HGD: variants seen among roughly 807,000 people sequenced by gnomAD.
HGD encodes homogentisate oxidase.
A neutral mutation model predicts 60.8 loss-of-function variants in HGD; 61 were observed. That is an observed-to-expected ratio of 1.00 (90% CI 0.82 to 1.24). The LOEUF is 1.24. Among genes scored for constraint, HGD ranks in the 50% most tolerant of loss-of-function variants. The pLI is 0.00. For missense variants in HGD, 542 were observed against 547.1 expected, an observed-to-expected ratio of 0.99 and a Z score of 0.09; for synonymous variants, 212 against 187.7, an observed-to-expected ratio of 1.13 and a Z score of -1.06.
chr3:120,641,091 C>G (rs1940955301), intron 11 of HGD, among the ~76,000 whole-genome samples: 1 of 152,152 alleles, frequency 6.6e-6, no homozygotes, highest in Admixed American at 6.5e-5. Context: ...TAAACTCAAG[C>G]ACTGAAAGTT....
At chr3:120,677,309 C>T (rs1221159727) in intron 1 of HGD, among the ~76,000 whole-genome samples, 1 of 152,172 alleles carries the variant, frequency 6.6e-6, no homozygotes, top group South Asian at 2.1e-4. Flanking sequence ...TCTCTTCTTT[C>T]AAAAGCAAAT....
At position 120,647,517 on chromosome 3, in the gene HGD, CA is replaced by C; in HGVS notation, c.469+359del. ...CTCATGAAAATTTGAATTTAAATTG[CA>C]GTTACTAATGATAAATGGGCTTTTA... On this transcript the variant is annotated intron_variant, in intron 7 of 13. Coordinates refer to ENST00000283871, the MANE Select transcript of HGD (RefSeq NM_000187.4). Among the ~76,000 whole-genome samples the C allele has an allele frequency of 1.3e-5, 2 of 152,264 alleles. 1 individual carries two copies. Among genetic ancestry groups the C allele is most frequent in the South Asian group, 4.1e-4 (2 of 4,824 alleles).
intron 4 of HGD, among the ~76,000 whole-genome samples, chr3:120,666,781 G>A (rs937088828): frequency 6.6e-6 from 1 of 151,962 alleles, no homozygotes; most frequent in African/African-American, 2.4e-5. Context: ...CAAAGTGCTG[G>A]GATTACAGGC....
chr3:120,679,757 G>A (rs552353860), intron 1 of HGD, among the ~76,000 whole-genome samples: 1 of 152,146 alleles, frequency 6.6e-6, no homozygotes, highest in Non-Finnish European at 1.5e-5. Flanking sequence ...GCCTCTAGAA[G>A]AGGAAACAGA....
At chr3:120,637,082 C>T (rs1940805663) in intron 12 of HGD, among the ~76,000 whole-genome samples, 1 of 152,142 alleles carries the variant, frequency 6.6e-6, no homozygotes, top group African/African-American at 2.4e-5. Context: ...TCATTAAGTA[C>T]AGCCGTGAAG....
chr3:120,655,167 G>T (rs144291723), intron 4 of HGD, among the ~76,000 whole-genome samples: 2,917 of 152,244 alleles, frequency 0.019, 37 homozygotes, highest in Non-Finnish European at 0.026. Context: ...CAGAGAAGGG[G>T]TTTGTCTTCT....
chr3:120,640,395 A>G (rs1940932601), intron 11 of HGD, among the ~76,000 whole-genome samples: 1 of 152,118 alleles, frequency 6.6e-6, no homozygotes, highest in African/African-American at 2.4e-5. Context: ...GAGGGGCAAG[A>G]GGTGATACTG....
At chr3:120,632,219 C>A (rs963883986) in intron 13 of HGD, among the ~76,000 whole-genome samples, 1 of 152,160 alleles carries the variant, frequency 6.6e-6, no homozygotes, top group East Asian at 1.9e-4. Context: ...AGTGGACAGA[C>A]GGACAGATAA....
At chr3:120,636,292 A>G (rs1327348689) in intron 12 of HGD, among the ~76,000 whole-genome samples, 1 of 151,980 alleles carries the variant, frequency 6.6e-6, no homozygotes, top group East Asian at 1.9e-4. Flanking sequence ...AAAAAAAAAA[A>G]AAGGCAGATT....
intron 5 of HGD, among the ~76,000 whole-genome samples, chr3:120,652,055 T>C (rs1489435765): frequency 3.3e-5 from 5 of 152,192 alleles, no homozygotes; most frequent in Non-Finnish European, 5.9e-5. Context: ...ATTATAGTTG[T>C]TATAGATACC....
chr3:120,646,151 G>A (rs1941152735), intron 9 of HGD, 116 bp downstream of exon 9: 1 of 758,002 alleles, frequency 1.3e-6, no homozygotes, highest in African/African-American at 1.7e-5. Context: ...AATTTGTCTA[G>A]AGAGAAAAGT....
At chr3:120,650,937 C>A in intron 5 of HGD, 72 bp from the exon 6 acceptor site, 3 of 1,155,926 alleles carry the variant, frequency 2.6e-6, no homozygotes, top group Non-Finnish European at 3.9e-6. Context: ...CCACTGGTCC[C>A]TGAGGGTCAT....
chr3:120,657,818 TGA>T (rs71133511), intron 4 of HGD, among the ~76,000 whole-genome samples: 122,601 of 146,958 alleles, frequency 0.83, 51,574 homozygotes, highest in East Asian at 0.98. Context: ...GGAACAGGAG[TGA>T]GAGAGAGAGA....
intron 4 of HGD, among the ~76,000 whole-genome samples, chr3:120,665,845 C>T (rs1042404745): frequency 1.3e-5 from 2 of 152,126 alleles, no homozygotes; most frequent in South Asian, 4.2e-4. Context: ...TGGATTTGGT[C>T]TATGACAGGT....
chr3:120,680,351 G>A (rs1339376645), intron 1 of HGD, among the ~76,000 whole-genome samples: 1 of 152,076 alleles, frequency 6.6e-6, no homozygotes, highest in Non-Finnish European at 1.5e-5. Flanking sequence ...CTGGTTTTCT[G>A]TGTTCAGATT....
At chr3:120,647,080 A>G in intron 7 of HGD, 28 bp from the exon 8 acceptor site, 1 of 1,573,176 alleles carries the variant, frequency 6.4e-7, no homozygotes, top group Middle Eastern at 1.7e-4. Context: ...GGCAGTGGTG[A>G]GCAATTCTTT....
intron 1 of HGD, among the ~76,000 whole-genome samples, chr3:120,678,265 T>C (rs1224367402): frequency 1.3e-5 from 2 of 152,238 alleles, no homozygotes; most frequent in African/African-American, 4.8e-5. Context: ...ATCAACGGGA[T>C]TGAATTTGAG....
intron 4 of HGD, among the ~76,000 whole-genome samples, chr3:120,664,720 T>G (rs1376325667): frequency 6.6e-6 from 1 of 152,194 alleles, no homozygotes; most frequent in Non-Finnish European, 1.5e-5. Flanking sequence ...CATGAGCCAC[T>G]GTGCCTGGCC....
At chr3:120,630,798 T>TATATATATATATATA (rs1940559920) in intron 13 of HGD, among the ~76,000 whole-genome samples, 1 of 88,028 alleles carries the variant, frequency 1.1e-5, no homozygotes, top group African/African-American at 6.2e-5. Context: ...CTTAAGAGCT[T>TATATATATATATATA]TATATATATA....
Sources: gnomAD v4.1 joint callset for allele counts (sites outside exome capture counted in the v4.1 genomes callset) on GRCh38, gnomAD v4.1.1 for gene constraint, MANE v1.5 for transcripts, NCBI Gene and HGNC (gene_info 2026-07-23, HGNC 2026-07-21) for gene names.